Variants in PTPRN2 observed in about 807,000 individuals in gnomAD.
PTPRN2 encodes receptor-type tyrosine-protein phosphatase N2.
PTPRN2 carries 74 observed loss-of-function variants against 118.8 expected under a neutral mutation model. That is an observed-to-expected ratio of 0.62 (90% confidence interval 0.52 to 0.76). The LOEUF is 0.76. Among genes scored for constraint, PTPRN2 ranks in the 30% least tolerant of loss-of-function variants. The pLI is 0.00. For synonymous variants in PTPRN2, 641 were observed against 608.0 expected (o/e 1.05, Z -0.80); for missense variants, 1,481 against 1,394.4 (o/e 1.06, Z -0.99).
chr7:158,182,497 T>A (rs1824799434), intron 5 of PTPRN2, among the ~76,000 whole-genome samples: 1 of 152,102 alleles, frequency 6.6e-6, no homozygotes, highest in African/African-American at 2.4e-5. Context: ...CAGCAGGCCC[T>A]GGTGTGTGTT....
intron 9 of PTPRN2, among the ~76,000 whole-genome samples, chr7:158,130,265 T>C (rs1488701423): frequency 2.6e-5 from 4 of 152,142 alleles, no homozygotes; most frequent in Non-Finnish European, 5.9e-5. Flanking sequence ...CCACCTCCAG[T>C]GCGAATGATC....
Position 158,557,984 on chromosome 7 carries a change from C to A in PTPRN2, c.112+29574G>T, listed in dbSNP as rs1000821111. Among the ~76,000 whole-genome samples the A allele has an allele frequency of 9.9e-5, 15 of 152,138 alleles. No individual in the cohort carries two copies. In the East Asian group the frequency reaches 2.9e-3, roughly 29 times the overall value. ...TTCATAGACCCCCTTTTAAATAATT[C>A]TTTGTATTTTTGTTTTTAGAGACAG... On this transcript the variant is annotated intron_variant, in intron 1 of 22. Coordinates refer to ENST00000389418, the MANE Select transcript of PTPRN2 (RefSeq NM_002847.5).
At chr7:158,050,128 CA>C (rs1809217692) in intron 11 of PTPRN2, among the ~76,000 whole-genome samples, 3 of 152,160 alleles carry the variant, frequency 2.0e-5, no homozygotes. Context: ...AAAGGTACAT[CA>C]AAGTCAGAAT....
chr7:157,653,187 T>C (rs1350999790), intron 14 of PTPRN2, among the ~76,000 whole-genome samples: 3 of 152,178 alleles, frequency 2.0e-5, no homozygotes, highest in Non-Finnish European at 4.4e-5. Flanking sequence ...ATCACCAACC[T>C]CTGCTGTTTA....
intron 9 of PTPRN2, among the ~76,000 whole-genome samples, chr7:158,132,103 CAGAT>C (rs1486331978): frequency 1.4e-5 from 2 of 145,174 alleles, no homozygotes; most frequent in East Asian, 2.0e-4. Flanking sequence ...CACATATGCA[CAGAT>C]ACACACACCT....
rs898608190 is a variant in PTPRN2, at chr7:157,939,810, G to C, written c.1724-41073C>G. 4.6e-5 allele frequency among the ~76,000 whole-genome samples: 7 copies of C among 152,180 alleles called. 1 individual carries two copies. ...GGATAGGTGCATTTGGCTGGGTACT[G>C]GGCACCCGAGAAGGAGAAGGTTGCT... On this transcript the variant is annotated intron_variant, in intron 11 of 22. Transcript: ENST00000389418.
chr7:158,143,071 C>T (rs537302214), intron 6 of PTPRN2, among the ~76,000 whole-genome samples: 3 of 152,292 alleles, frequency 2.0e-5, no homozygotes, highest in Non-Finnish European at 4.4e-5. Context: ...CTGCAGTCTC[C>T]TCCCACCACA....
intron 21 of PTPRN2, among the ~76,000 whole-genome samples, chr7:157,566,911 G>T (rs1463819516): frequency 1.3e-5 from 2 of 152,232 alleles, no homozygotes; most frequent in Non-Finnish European, 2.9e-5. Context: ...TCTGGTCCCT[G>T]GATGGGCAGG....
chr7:158,450,121 G>A (rs1817998692), intron 2 of PTPRN2, among the ~76,000 whole-genome samples: 1 of 152,234 alleles, frequency 6.6e-6, no homozygotes, highest in East Asian at 1.9e-4. Flanking sequence ...CTTCTTACGA[G>A]AGCACTGGTC....
At chr7:157,581,128 C>G (rs1023129973) in intron 17 of PTPRN2, among the ~76,000 whole-genome samples, 4 of 150,450 alleles carry the variant, frequency 2.7e-5, no homozygotes, top group Non-Finnish European at 5.9e-5. Context: ...CCTGGACACA[C>G]CAGCACCTGC....
chr7:157,781,909 T>C (rs1803702716), intron 12 of PTPRN2, among the ~76,000 whole-genome samples: 1 of 152,224 alleles, frequency 6.6e-6, no homozygotes, highest in Admixed American at 6.5e-5. Context: ...CAGGGGTGGA[T>C]GTGAAATGCC....
At chr7:157,747,228 T>C (rs1381968949) in intron 12 of PTPRN2, among the ~76,000 whole-genome samples, 2 of 88,090 alleles carry the variant, frequency 2.3e-5, no homozygotes, top group Admixed American at 1.4e-4. Flanking sequence ...TGTGGGCTGT[T>C]GAGGTGATTC....
chr7:157,675,905 C>T (rs1215159681), intron 13 of PTPRN2, among the ~76,000 whole-genome samples: 1 of 152,160 alleles, frequency 6.6e-6, no homozygotes, highest in African/African-American at 2.4e-5. Context: ...CCATGAATTT[C>T]ACCATTGGAG....
intron 11 of PTPRN2, among the ~76,000 whole-genome samples, chr7:157,960,386 A>G (rs1801448245): frequency 6.6e-6 from 1 of 152,246 alleles, no homozygotes; most frequent in Admixed American, 6.5e-5. Flanking sequence ...AAGCATGGGA[A>G]GAATCATAAT....
intron 2 of PTPRN2, among the ~76,000 whole-genome samples, chr7:158,376,289 TCCTGAGAGG>T (rs1464926267): frequency 2.1e-4 from 32 of 151,802 alleles, no homozygotes; most frequent in African/African-American, 7.7e-4. Context: ...CTGTCACACG[TCCTGAGAGG>T]GGGGTCAGGG....
chr7:158,536,171 T>C (rs145410280), intron 1 of PTPRN2, among the ~76,000 whole-genome samples: 2 of 152,068 alleles, frequency 1.3e-5, no homozygotes, highest in East Asian at 3.9e-4. Flanking sequence ...AAAACTAAAA[T>C]AAAGAAGGTC....
Position 157,893,397 on chromosome 7 carries a change from C to T in PTPRN2, c.1788+5276G>A, listed in dbSNP as rs75904896. Among the ~76,000 whole-genome samples, 5,333 of 152,250 alleles carry T rather than the reference C, an allele frequency of 0.035. 310 individuals carry two copies. The highest frequency in any genetic ancestry group is 0.12 in the African/African-American group (4,902 of 41,512). On this transcript the variant is annotated intron_variant, in intron 12 of 22. Coordinates refer to ENST00000389418, the MANE Select transcript of PTPRN2 (RefSeq NM_002847.5). This position sits in a 1 kb window ranked among gnomAD's most constrained non-coding sequence, Gnocchi z 4.0. ...ACGGTCCCCCGCAGTCTAGGGAGAA[C>T]CTTCCTTCCCACATATGAGATGGGT...
intron 3 of PTPRN2, among the ~76,000 whole-genome samples, chr7:158,270,842 CACCTGGACCG>C (rs1798355339): frequency 7.1e-5 from 2 of 28,168 alleles, no homozygotes; most frequent in African/African-American, 2.6e-4. Flanking sequence ...ATGACCCCCT[CACCTGGACCG>C]CCCCCCCACC....
At chr7:157,557,044 A>G (rs1273504382) in intron 21 of PTPRN2, among the ~76,000 whole-genome samples, 2 of 151,582 alleles carry the variant, frequency 1.3e-5, no homozygotes, top group Non-Finnish European at 2.9e-5. Context: ...CATCCACACA[A>G]GATGCACACC....
Sources: allele counts gnomAD v4.1 joint callset (sites outside exome capture counted in the v4.1 genomes callset), GRCh38; gene constraint gnomAD v4.1.1; non-coding constraint Gnocchi (gnomAD v3.1); transcripts MANE v1.5; gene names NCBI Gene and HGNC (gene_info 2026-07-23, HGNC 2026-07-21).